The following PHLPP1 variants were observed in gnomAD, a reference collection of about 807,000 sequenced individuals.
PHLPP1 encodes PH domain and leucine rich repeat protein phosphatase 1, also known as PH domain leucine-rich repeat-containing protein phosphatase 1.
A neutral mutation model predicts 117.2 loss-of-function variants in PHLPP1; 42 were observed. That is an observed-to-expected ratio of 0.36 (90% CI 0.28 to 0.46). The LOEUF (loss-of-function observed/expected upper bound fraction) is 0.46. Ranked by LOEUF, PHLPP1 falls within the 20% of genes least tolerant of loss-of-function variation. PHLPP1 has a pLI of 1.00. For missense variants in PHLPP1, 2,084 were observed against 2,241.9 expected, an observed-to-expected ratio of 0.93 and a Z score of 1.42; for synonymous variants, 1,042 against 970.7, an observed-to-expected ratio of 1.07 and a Z score of -1.37.
intron 1 of PHLPP1, among the ~76,000 whole-genome samples, chr18:62,741,676 A>C (rs528254993): frequency 6.6e-6 from 1 of 151,170 alleles, no homozygotes; most frequent in East Asian, 1.9e-4. Context: ...TAATTGTTTA[A>C]TTGTAATTGT....
intron 1 of PHLPP1, among the ~76,000 whole-genome samples, chr18:62,809,859 C>T (rs1017386423): frequency 6.6e-6 from 1 of 152,110 alleles, no homozygotes; most frequent in African/African-American, 2.4e-5. Flanking sequence ...AATGAATATG[C>T]GGATCTTTTG....
At chr18:62,856,350 C>T (rs745535493) in intron 3 of PHLPP1, among the ~76,000 whole-genome samples, 13 of 152,132 alleles carry the variant, frequency 8.5e-5, no homozygotes, top group Non-Finnish European at 1.5e-4. Context: ...TATCCCCTGC[C>T]CCCTTACCTT....
chr18:62,876,141 T>G (rs1290785727), intron 4 of PHLPP1, among the ~76,000 whole-genome samples: 2 of 152,142 alleles, frequency 1.3e-5, no homozygotes, highest in Non-Finnish European at 2.9e-5. Context: ...CAGAAAACCT[T>G]ACGTAGAAAA....
At chr18:62,881,331 A>G (rs76346837) in intron 4 of PHLPP1, among the ~76,000 whole-genome samples, 4,821 of 152,268 alleles carry the variant, frequency 0.032, 276 homozygotes, top group African/African-American at 0.11. Flanking sequence ...CAAAATGTCC[A>G]TGGAAATTAT....
At chr18:62,814,403 G>A (rs560052366) in intron 1 of PHLPP1, among the ~76,000 whole-genome samples, 1 of 152,166 alleles carries the variant, frequency 6.6e-6, no homozygotes, top group African/African-American at 2.4e-5. Flanking sequence ...GCAGTTTAGT[G>A]CTCCCCTAGA....
chr18:62,778,087 A>C (rs542867286), intron 1 of PHLPP1, among the ~76,000 whole-genome samples: 5 of 151,572 alleles, frequency 3.3e-5, no homozygotes, highest in South Asian at 4.1e-4. Context: ...AGAATTAATC[A>C]ATCCCTAACT....
In PHLPP1 at chr18:62,841,331, CT is replaced by C. The variant is rs1048275193; in HGVS notation, c.1899+2441del. On this transcript the variant is annotated intron_variant, in intron 3 of 16. Coordinates refer to ENST00000262719, the MANE Select transcript of PHLPP1 (RefSeq NM_194449.4). ...TTCACTTTTCTGTTTTTCTTTCTCT[CT>C]TTTTTTTTTTTTTTTTTTGAGATGG... Among the ~76,000 whole-genome samples the C allele has an allele frequency of 9.7e-3, 1,251 of 128,526 alleles. 8 individuals are homozygous for C. Among genetic ancestry groups the C allele is most frequent in the African/African-American group, 0.03 (1,032 of 34,180 alleles). 84.3% of individuals were successfully genotyped at this position (128,526 alleles called of 152,430 possible). A position where few individuals can be genotyped will look rare whatever the true frequency, so the allele number is the denominator to read the frequency against.
chr18:62,919,168 C>A (rs890593130), intron 9 of PHLPP1, among the ~76,000 whole-genome samples: 3 of 152,120 alleles, frequency 2.0e-5, no homozygotes, highest in African/African-American at 4.8e-5. Context: ...TTCCCCACCC[C>A]CCAGATGTCT....
chr18:62,740,792 T>C lies in PHLPP1; in HGVS notation c.1576+23533T>C, dbSNP rs543350216. Among the ~76,000 whole-genome samples, 5 of 152,240 alleles carry C rather than the reference T, an allele frequency of 3.3e-5. No individual in the cohort carries two copies. The East Asian group carries it at 9.7e-4, about 29-fold the overall frequency. ...TTCAAGACCAGCCTGGCCAACATGG[T>C]GAGACCCCATACGTACTAAAAATAC... On this transcript the variant is annotated intron_variant, in intron 1 of 16. Transcript: ENST00000262719.
intron 8 of PHLPP1, among the ~76,000 whole-genome samples, chr18:62,907,578 G>A (rs1348303238): frequency 4.9e-5 from 7 of 141,564 alleles, no homozygotes; most frequent in African/African-American, 7.9e-5. Flanking sequence ...GAAATGAAGC[G>A]AGAAGGGAAG....
chr18:62,842,767 C>T (rs900006367), intron 3 of PHLPP1, among the ~76,000 whole-genome samples: 16 of 152,066 alleles, frequency 1.1e-4, no homozygotes, highest in African/African-American at 3.6e-4. Flanking sequence ...GAATTAAGGA[C>T]AAATGAATTG....
rs766174599 is a variant in PHLPP1, at chr18:62,895,901, A to G, written c.2334A>G (p.Val778=). ...SFNEFTDIPE[V]LEKLTAVDKL... is the part of the protein sequence containing the mutation. ...ATGAATTTACTGACATTCCCGAAGTATTGGAGAAATTGACTGCTGTGGATA... is the reference window on the plus strand; with the variant it reads ...ATGAATTTACTGACATTCCCGAAGTGTTGGAGAAATTGACTGCTGTGGATA... The change falls in exon 6 of 17, where the codon GTA becomes GTG. Residue 778 remains valine, a synonymous_variant. Coordinates refer to ENST00000262719, the MANE Select transcript of PHLPP1 (RefSeq NM_194449.4). The G allele has an allele frequency of 1.8e-5, 29 of 1,613,272 alleles. No homozygotes were observed. Among genetic ancestry groups the G allele is most frequent in the Non-Finnish European group, 2.4e-5 (28 of 1,179,256 alleles).
At chr18:62,791,774 A>T (rs1018393085) in intron 1 of PHLPP1, among the ~76,000 whole-genome samples, 1 of 152,172 alleles carries the variant, frequency 6.6e-6, no homozygotes, top group African/African-American at 2.4e-5. Context: ...CATAGGAAAT[A>T]GTGTTCTTTA....
chr18:62,859,652 T>C (rs534162776), intron 3 of PHLPP1, among the ~76,000 whole-genome samples: 2 of 152,276 alleles, frequency 1.3e-5, no homozygotes, highest in African/African-American at 4.8e-5. Context: ...AATCAGTATA[T>C]ACAATGGCTT....
intron 1 of PHLPP1, among the ~76,000 whole-genome samples, chr18:62,817,178 A>C (rs1360197180): frequency 6.6e-6 from 1 of 152,196 alleles, no homozygotes; most frequent in Non-Finnish European, 1.5e-5. Flanking sequence ...TCCTGGATGC[A>C]AGCAATCCTC....
rs745713536 is a variant in PHLPP1 at position 62,963,485 on chromosome 18, A to C, written c.3560+13A>C. On this transcript the variant is annotated intron_variant, in intron 14 of 16. Coordinates refer to ENST00000262719, the MANE Select transcript of PHLPP1 (RefSeq NM_194449.4). ...GGGTAAAAAACAAGTAAGTCAGATG[A>C]AACTTTAGAGGAAGAAGTGCCTCCT... is the stretch of plus-strand genomic sequence containing the variant. 1 of 1,563,870 alleles carries C rather than the reference A, an allele frequency of 6.4e-7. No homozygotes were observed. Among genetic ancestry groups the C allele is most frequent in the Non-Finnish European group, 8.8e-7 (1 of 1,139,162 alleles).
chr18:62,817,583 C>A (rs977320894), intron 1 of PHLPP1, among the ~76,000 whole-genome samples: 26 of 150,808 alleles, frequency 1.7e-4, no homozygotes, highest in Non-Finnish European at 3.7e-4. Context: ...AAAAAAAAAA[C>A]CCATAATGAA....
chr18:62,951,013 G>T (rs1037827875), intron 12 of PHLPP1, among the ~76,000 whole-genome samples: 1 of 147,862 alleles, frequency 6.8e-6, no homozygotes, highest in Non-Finnish European at 1.5e-5. Flanking sequence ...AGTCTCTCTC[G>T]CTCTGTTGCC....
intron 1 of PHLPP1, among the ~76,000 whole-genome samples, chr18:62,815,651 T>TG (rs1914251343): frequency 6.6e-6 from 1 of 152,200 alleles, no homozygotes; most frequent in South Asian, 2.1e-4. Context: ...GGAAGCTATA[T>TG]GCTTTTATGA....
Sources: gnomAD v4.1 joint callset for allele counts (sites outside exome capture counted in the v4.1 genomes callset) on GRCh38, gnomAD v4.1.1 for gene constraint, MANE v1.5 for transcripts, NCBI Gene and HGNC (gene_info 2026-07-23, HGNC 2026-07-21) for gene names.